The following RARB variants were observed in gnomAD, a reference collection of about 807,000 sequenced individuals.
RARB encodes HBV-activated protein.
In RARB, 17 loss-of-function variants were observed where a neutral mutation model predicts 51.9. That is an observed-to-expected ratio of 0.33 (90% CI 0.22 to 0.49). The LOEUF is 0.49. RARB is among the 20% of genes least tolerant of loss of function. The pLI, the probability that RARB is intolerant of heterozygous loss-of-function variation, is 0.99. For missense variants in RARB, 369 were observed against 550.8 expected (o/e 0.67, Z 3.30); for synonymous variants, 215 against 195.4 (o/e 1.10, Z -0.84).
chr3:25,108,010 C>T (rs574324108), intron 3 of RARB, among the ~76,000 whole-genome samples: 54 of 152,250 alleles, frequency 3.5e-4, no homozygotes, highest in African/African-American at 1.2e-3. Flanking sequence ...ATAAGGTTTA[C>T]TTGAACACAA....
intron 4 of RARB, among the ~76,000 whole-genome samples, chr3:25,159,153 T>TA (rs1700430628): frequency 2.4e-5 from 3 of 127,368 alleles, no homozygotes; most frequent in Non-Finnish European, 4.9e-5. Context: ...TTCCAAATTG[T>TA]CTTTTTTTTT....
intron 3 of RARB, 123 bp from the exon 4 acceptor site, chr3:25,569,635 C>T: frequency 8.6e-7 from 1 of 1,164,376 alleles, no homozygotes; most frequent in Non-Finnish European, 1.2e-6. Flanking sequence ...ACCACCTCTT[C>T]CCACTGTTTC....
chr3:25,330,539 A>G (rs322687), intron 5 of RARB, among the ~76,000 whole-genome samples: 151,534 of 152,256 alleles, frequency 1, 75,408 homozygotes, highest in Middle Eastern at 1. Flanking sequence ...AGGAACAACC[A>G]GTACCAGCCA....
At chr3:24,987,813 A>G (rs73143054) in intron 2 of RARB, among the ~76,000 whole-genome samples, 1 of 152,214 alleles carries the variant, frequency 6.6e-6, no homozygotes. Context: ...TCCTGTCCCC[A>G]AAACAGACAC....
At chr3:25,434,464 G>A (rs547091928) in intron 1 of RARB, among the ~76,000 whole-genome samples, 8 of 150,574 alleles carry the variant, frequency 5.3e-5, no homozygotes, top group Non-Finnish European at 8.8e-5. Context: ...CACAAACCTC[G>A]CCAACTCTCC....
At chr3:24,944,132 G>A (rs1303025678) in intron 2 of RARB, among the ~76,000 whole-genome samples, 1 of 152,148 alleles carries the variant, frequency 6.6e-6, no homozygotes, top group African/African-American at 2.4e-5. Context: ...ATATTATGAA[G>A]CCCTAGACAG....
At chr3:25,005,438 A>C (rs1697249248) in intron 2 of RARB, among the ~76,000 whole-genome samples, 1 of 152,134 alleles carries the variant, frequency 6.6e-6, no homozygotes, top group Non-Finnish European at 1.5e-5. Flanking sequence ...TTGGCTTCCA[A>C]GGTGACTCGC....
rs552758659 is a variant in RARB at position 25,342,454 on chromosome 3, C to G, written c.179-118739C>G. On this transcript the variant is annotated intron_variant, in intron 5 of 11. Transcript: ENST00000383772. ...CCATTCAGTCTCACTTTCCCATTCT[C>G]TCTTACAGCCGTATGACACCATTTT... 4.2e-4 allele frequency among the ~76,000 whole-genome samples: 64 copies of G among 152,300 alleles called. 1 individual carries two copies. In the South Asian group the frequency reaches 0.013, roughly 31 times the overall value.
intron 4 of RARB, among the ~76,000 whole-genome samples, chr3:25,152,441 G>C (rs1040148157): frequency 1.3e-5 from 2 of 152,164 alleles, no homozygotes; most frequent in African/African-American, 4.8e-5. Context: ...GAAAAACTGT[G>C]AGGGGAAAAT....
At chr3:24,871,202 A>T (rs1196733848) in intron 2 of RARB, among the ~76,000 whole-genome samples, 1 of 152,142 alleles carries the variant, frequency 6.6e-6, no homozygotes, top group African/African-American at 2.4e-5. Flanking sequence ...ATACAGTAAC[A>T]CCTTATTAGG....
chr3:25,502,842 G>A lies in RARB; in HGVS notation c.448+1519G>A, dbSNP rs142857399. On this transcript the variant is annotated intron_variant, in intron 3 of 7. Coordinates refer to ENST00000330688, the MANE Select transcript of RARB (RefSeq NM_000965.5). Reference sequence around the variant, plus strand: ...AAGCATGCACTGTAGATGGAAAAGTGGAAAGACAGAAATCAAGCCCTTAAT... The same window carrying A: ...AAGCATGCACTGTAGATGGAAAAGTAGAAAGACAGAAATCAAGCCCTTAAT... 6.6e-4 allele frequency among the ~76,000 whole-genome samples: 100 copies of A among 152,270 alleles called. 1 individual carries two copies. The East Asian group carries it at 0.018, about 28-fold the overall frequency.
At chr3:25,587,805 A>C (rs1173214314) in intron 5 of RARB, among the ~76,000 whole-genome samples, 1 of 152,254 alleles carries the variant, frequency 6.6e-6, no homozygotes, top group East Asian at 1.9e-4. Context: ...GAATCAGATC[A>C]GGATCTGCCC....
intron 1 of RARB, among the ~76,000 whole-genome samples, chr3:25,438,376 G>A (rs1708522339): frequency 6.6e-6 from 1 of 152,160 alleles, no homozygotes; most frequent in South Asian, 2.1e-4. Context: ...GGCAAAGAAT[G>A]TCCACCATAA....
intron 3 of RARB, among the ~76,000 whole-genome samples, chr3:25,119,106 C>G (rs916719304): frequency 5.9e-5 from 9 of 151,976 alleles, no homozygotes; most frequent in Non-Finnish European, 1.0e-4. Context: ...TTTTTCATTA[C>G]AAAGCAAGAT....
chr3:25,415,523 C>A (rs1339027430), intron 5 of RARB, among the ~76,000 whole-genome samples: 3 of 152,082 alleles, frequency 2.0e-5, no homozygotes, highest in Non-Finnish European at 4.4e-5. Flanking sequence ...GCAATATATA[C>A]CCCATTGTTC....
At chr3:25,333,065 T>A (rs922196575) in intron 5 of RARB, among the ~76,000 whole-genome samples, 4 of 152,142 alleles carry the variant, frequency 2.6e-5, no homozygotes, top group African/African-American at 7.2e-5. Context: ...TGCTCATGGA[T>A]AGGAAGAATC....
At chr3:25,566,436 G>A (rs186415214) in intron 3 of RARB, among the ~76,000 whole-genome samples, 25 of 152,248 alleles carry the variant, frequency 1.6e-4, no homozygotes, top group Admixed American at 1.5e-3. Flanking sequence ...GCTCCCCTTC[G>A]AGTGAGCTGC....
chr3:25,016,224 T>C (rs1325314802), intron 2 of RARB, among the ~76,000 whole-genome samples: 1 of 152,164 alleles, frequency 6.6e-6, no homozygotes, highest in Non-Finnish European at 1.5e-5. Flanking sequence ...ACAAAATAAA[T>C]GAAGCATGAT....
intron 2 of RARB, among the ~76,000 whole-genome samples, chr3:24,911,026 G>T (rs542670795): frequency 6.6e-6 from 1 of 152,264 alleles, no homozygotes; most frequent in Admixed American, 6.5e-5. Flanking sequence ...TTTCTCTTCG[G>T]CAAGCTGTGA....
Sources: gnomAD v4.1 joint callset for allele counts (sites outside exome capture counted in the v4.1 genomes callset) on GRCh38, gnomAD v4.1.1 for gene constraint, MANE v1.5 for transcripts, NCBI Gene and HGNC (gene_info 2026-07-23, HGNC 2026-07-21) for gene names.